RCAN1: variants seen among roughly 807,000 people sequenced by gnomAD.
RCAN1 encodes the protein regulator of calcineurin 1.
Under a neutral mutation model 22.9 loss-of-function variants are expected in RCAN1, and 11 were observed. The observed-to-expected ratio is 0.48, with a 90% confidence interval of 0.30 to 0.79. The LOEUF is 0.79. RCAN1 is among the 30% of genes least tolerant of loss of function. RCAN1 has a pLI of 0.06. For missense variants in RCAN1, 291 were observed against 337.8 expected, an observed-to-expected ratio of 0.86 and a Z score of 1.09; for synonymous variants, 136 against 142.3, an observed-to-expected ratio of 0.96 and a Z score of 0.32.
chr21:34,531,991 C>G (rs1390598092), intron 1 of RCAN1, among the ~76,000 whole-genome samples: 1 of 152,114 alleles, frequency 6.6e-6, no homozygotes, highest in East Asian at 1.9e-4. Context: ...ATAGAGACCA[C>G]CACAACCAGG....
At chr21:34,578,532 G>A (rs780108274) in intron 1 of RCAN1, among the ~76,000 whole-genome samples, 12 of 152,076 alleles carry the variant, frequency 7.9e-5, no homozygotes, top group South Asian at 2.1e-4. Context: ...GTCACAGGGC[G>A]GCAGATCAGA....
chr21:34,526,921 C>T, intron 1 of RCAN1: 1 of 1,423,050 alleles, frequency 7.0e-7, no homozygotes, highest in Non-Finnish European at 9.1e-7. Flanking sequence ...CCTGTTTGGA[C>T]AGCAAATTCC....
chr21:34,570,874 TA>T (rs1987211317), intron 1 of RCAN1, among the ~76,000 whole-genome samples: 1 of 152,166 alleles, frequency 6.6e-6, no homozygotes, highest in South Asian at 2.1e-4. Context: ...ATATATTTTT[TA>T]AAAAATTCTT....
chr21:34,527,876 A>C (rs1247323279), intron 1 of RCAN1, among the ~76,000 whole-genome samples: 1 of 151,398 alleles, frequency 6.6e-6, no homozygotes, highest in East Asian at 1.9e-4. Flanking sequence ...AAAAAAGGAA[A>C]GGAAGAAGAA....
intron 2 of RCAN1, 84 bp from the exon 3 acceptor site, chr21:34,521,742 G>C: frequency 8.5e-7 from 1 of 1,170,172 alleles, no homozygotes; most frequent in Non-Finnish European, 1.2e-6. Context: ...AGTTCCGGGA[G>C]ATGGGCAGGT....
intron 1 of RCAN1, among the ~76,000 whole-genome samples, chr21:34,596,073 G>A (rs1988141090): frequency 6.6e-6 from 1 of 152,106 alleles, no homozygotes. Flanking sequence ...GTGGACTCTC[G>A]GCACTTTCTG....
intron 1 of RCAN1, among the ~76,000 whole-genome samples, chr21:34,583,032 ACT>A (rs906345316): frequency 2.0e-5 from 3 of 152,026 alleles, no homozygotes; most frequent in African/African-American, 7.3e-5. Context: ...TCCTGCAGAC[ACT>A]CTGAATATAA....
At chr21:34,578,975 C>A in intron 1 of RCAN1, among the ~76,000 whole-genome samples, 1 of 152,114 alleles carries the variant, frequency 6.6e-6, no homozygotes, top group Non-Finnish European at 1.5e-5. Flanking sequence ...ACAACACATA[C>A]AACAAACAGA....
intron 1 of RCAN1, among the ~76,000 whole-genome samples, chr21:34,539,624 T>C (rs1035450895): frequency 6.6e-6 from 1 of 152,212 alleles, no homozygotes; most frequent in African/African-American, 2.4e-5. Context: ...AAGGTAACCG[T>C]GGTTAACAGA....
At chr21:34,549,645 A>G (rs1039815670) in intron 1 of RCAN1, among the ~76,000 whole-genome samples, 2 of 152,184 alleles carry the variant, frequency 1.3e-5, no homozygotes, top group Admixed American at 6.5e-5. Context: ...GTTTAACTCT[A>G]TCTGTGGCAT....
chr21:34,558,087 G>A (rs533398660), intron 1 of RCAN1, among the ~76,000 whole-genome samples: 46 of 152,366 alleles, frequency 3.0e-4, no homozygotes, highest in Non-Finnish European at 5.7e-4. Flanking sequence ...TCAAGCTGTT[G>A]AGGAGGTGCT....
intron 1 of RCAN1, among the ~76,000 whole-genome samples, chr21:34,563,768 A>ATATATATATAT (rs56397854): frequency 1.1e-5 from 1 of 88,364 alleles, no homozygotes; most frequent in Non-Finnish European, 2.1e-5. Context: ...AAAAAAAAAA[A>ATATATATATAT]AAATATATAT....
chr21:34,524,595 G>A (rs966414062), intron 1 of RCAN1: 7 of 152,390 alleles, frequency 4.6e-5, no homozygotes, highest in African/African-American at 1.7e-4. Context: ...AAATTTCCAC[G>A]ATCGCTTTTA....
chr21:34,577,713 A>G (rs1330020477), intron 1 of RCAN1, among the ~76,000 whole-genome samples: 3 of 152,232 alleles, frequency 2.0e-5, no homozygotes, highest in East Asian at 1.9e-4. Flanking sequence ...TCCAGGCAGG[A>G]GTGTTACATG....
rs531986462 is a variant in RCAN1 at position 34,541,960 on chromosome 21, T to G, written c.253-18250A>C. 3.9e-5 allele frequency among the ~76,000 whole-genome samples: 6 copies of G among 152,000 alleles called. No homozygotes were observed. The East Asian group carries it at 1.2e-3, about 29-fold the overall frequency. On this transcript the variant is annotated intron_variant, in intron 1 of 3. Transcript: ENST00000313806. Reference sequence around the variant, plus strand: ...AAAAAAATAAAATAAATAAAAAAAATTTTTTTAATGCTATTCATGCAACAC... The same window carrying G: ...AAAAAAATAAAATAAATAAAAAAAAGTTTTTTAATGCTATTCATGCAACAC...
At position 34,614,911 on chromosome 21, in the gene RCAN1, G is replaced by T. The variant is rs374228016; in HGVS notation, c.101C>A (p.Ala34Glu). Residue 34 changes from alanine to glutamate, a missense_variant, in exon 1 of 4, where the codon GCG becomes GAG. Transcript: ENST00000313806. This position sits in a 1 kb window ranked among gnomAD's most constrained non-coding sequence, Gnocchi z 6.0. ...CGCCTCGGCCGCCCCCGAGAGGGGC[G>T]CGAAGGGCCGCAGCGTCACCCCGGG... ...ARPGVTLRPFAPLSGAAEADE... is the reference protein window; with the variant it reads ...ARPGVTLRPFEPLSGAAEADE... 1.6e-4 allele frequency: 229 copies of T among 1,418,428 alleles called. No individual in the cohort carries two copies. In the East Asian group the frequency reaches 5.4e-3, roughly 33 times the overall value. 87.9% of individuals were successfully genotyped at this position (1,418,428 alleles called of 1,614,324 possible). A position where few individuals can be genotyped will look rare whatever the true frequency, so the allele number is the denominator to read the frequency against.
chr21:34,611,036 G>A (rs568162320), intron 1 of RCAN1, among the ~76,000 whole-genome samples: 1 of 152,070 alleles, frequency 6.6e-6, no homozygotes, highest in East Asian at 1.9e-4. Flanking sequence ...AAGGGTATTT[G>A]TTTCCATTAC....
chr21:34,558,933 T>C (rs1986688855), intron 1 of RCAN1, among the ~76,000 whole-genome samples: 1 of 152,170 alleles, frequency 6.6e-6, no homozygotes, highest in South Asian at 2.1e-4. Context: ...CTTATATAAG[T>C]GAACAAAGTG....
At chr21:34,609,942 A>G (rs1013410562) in intron 1 of RCAN1, among the ~76,000 whole-genome samples, 6 of 152,232 alleles carry the variant, frequency 3.9e-5, no homozygotes, top group Non-Finnish European at 7.3e-5. Context: ...ACCTTCCCAA[A>G]TAAATTAAAC....
Sources: allele counts gnomAD v4.1 joint callset (sites outside exome capture counted in the v4.1 genomes callset), GRCh38; gene constraint gnomAD v4.1.1; non-coding constraint Gnocchi (gnomAD v3.1); transcripts MANE v1.5; gene names NCBI Gene and HGNC (gene_info 2026-07-23, HGNC 2026-07-21).